The following SHANK2 variants were observed in gnomAD, a reference collection of about 807,000 sequenced individuals.
SHANK2 encodes SH3 and multiple ankyrin repeat domains 2.
SHANK2 carries 43 observed loss-of-function variants against 133.7 expected under a neutral mutation model. The observed-to-expected ratio is 0.32, with a 90% confidence interval of 0.25 to 0.41. The LOEUF (loss-of-function observed/expected upper bound fraction) is 0.41. Among genes scored for constraint, SHANK2 ranks in the 10% least tolerant of loss-of-function variants. SHANK2 has a pLI of 1.00. For missense variants in SHANK2, 1,994 were observed against 2,235.8 expected, an observed-to-expected ratio of 0.89 and a Z score of 2.18; for synonymous variants, 1,017 against 952.8, an observed-to-expected ratio of 1.07 and a Z score of -1.24.
At chr11:70,860,304 A>G (rs569200459) in intron 11 of SHANK2, among the ~76,000 whole-genome samples, 1 of 152,270 alleles carries the variant, frequency 6.6e-6, no homozygotes, top group Non-Finnish European at 1.5e-5. Flanking sequence ...CCAGACTCTC[A>G]TCAGCCTGAA....
chr11:71,066,339 T>A (rs1439720302), intron 9 of SHANK2, among the ~76,000 whole-genome samples: 14 of 55,362 alleles, frequency 2.5e-4, no homozygotes, highest in African/African-American at 1.0e-3. Flanking sequence ...AGATGAGCAG[T>A]GAGTGGGGAA....
chr11:70,516,602 T>A (rs1403890017), intron 17 of SHANK2, among the ~76,000 whole-genome samples: 2 of 152,176 alleles, frequency 1.3e-5, no homozygotes, highest in Non-Finnish European at 2.9e-5. Context: ...AAGTCAAAAT[T>A]GATGTTGGAC....
intron 11 of SHANK2, among the ~76,000 whole-genome samples, chr11:70,884,672 G>T (rs1949709939): frequency 6.6e-6 from 1 of 152,216 alleles, no homozygotes; most frequent in Admixed American, 6.5e-5. Flanking sequence ...GAGTGTTCCT[G>T]CTTCATAGAA....
chr11:70,502,741 A>AAC (rs1198006390), intron 18 of SHANK2, 55 bp downstream of exon 18: 4 of 381,842 alleles, frequency 1.0e-5, no homozygotes, highest in South Asian at 6.3e-5. Context: ...GCCCGCCCCC[A>AAC]CCCCCCCCCC....
intron 20 of SHANK2, among the ~76,000 whole-genome samples, 185 bp downstream of exon 20, chr11:70,501,737 CA>C (rs530936655): frequency 3.3e-5 from 5 of 152,222 alleles, no homozygotes; most frequent in Admixed American, 6.5e-5. Context: ...GCCTGCTGTG[CA>C]GACCAGACTG....
At position 70,649,687 on chromosome 11, in the gene SHANK2, C is replaced by G. The variant is rs542465654; in HGVS notation, c.2061+10141G>C. ...GAGGACCCAGAGGCACCAATGGGTG[C>G]ATCAGAGGACCTGGCGCCAGCAGCT... On this transcript the variant is annotated intron_variant, in intron 17 of 25. Coordinates refer to ENST00000601538, the MANE Select transcript of SHANK2 (RefSeq NM_012309.5). Among the ~76,000 whole-genome samples the G allele has an allele frequency of 8.1e-4, 124 of 152,262 alleles. 1 individual carries two copies. Among genetic ancestry groups the G allele is most frequent in the African/African-American group, 2.9e-3 (119 of 41,544 alleles).
At chr11:70,761,451 C>T (rs1306416428) in intron 14 of SHANK2, among the ~76,000 whole-genome samples, 1 of 152,224 alleles carries the variant, frequency 6.6e-6, no homozygotes, top group Non-Finnish European at 1.5e-5. Context: ...TGAGCTGAGA[C>T]ATCAGCCTTC....
rs1005754139 is a variant in SHANK2 at position 70,807,373 on chromosome 11, G to C, written c.1494-202C>G. 5.3e-5 allele frequency among the ~76,000 whole-genome samples: 8 copies of C among 152,210 alleles called. No individual in the cohort carries two copies. Among genetic ancestry groups the C allele is most frequent in the Admixed American group, 2.6e-4 (4 of 15,282 alleles). Reference sequence around the variant, plus strand: ...TCAGGCAGATCCAACAATCCCACTCGCAGGTCTGCCCCGCACAGACAGAAA... The same window carrying C: ...TCAGGCAGATCCAACAATCCCACTCCCAGGTCTGCCCCGCACAGACAGAAA... On this transcript the variant is annotated intron_variant, in intron 12 of 25. Transcript: ENST00000601538. This position sits in a 1 kb window ranked among gnomAD's most constrained non-coding sequence, Gnocchi z 4.8.
chr11:70,540,323 G>A (rs777412370), intron 17 of SHANK2, among the ~76,000 whole-genome samples: 3 of 151,980 alleles, frequency 2.0e-5, no homozygotes, highest in Non-Finnish European at 2.9e-5. Context: ...CAAGCGGGGC[G>A]CCCACGGGCA....
chr11:70,664,737 C>T (rs1944647809), intron 15 of SHANK2, among the ~76,000 whole-genome samples: 2 of 152,202 alleles, frequency 1.3e-5, no homozygotes, highest in Non-Finnish European at 2.9e-5. Flanking sequence ...GGGGGGCTGC[C>T]CAGACACTTG....
chr11:70,908,313 T>C (rs1555078369), intron 10 of SHANK2, among the ~76,000 whole-genome samples: 1 of 152,154 alleles, frequency 6.6e-6, no homozygotes, highest in East Asian at 1.9e-4. Flanking sequence ...GGCCTCGCTG[T>C]TGGCTGGAAC....
At chr11:70,792,104 T>TAACC (rs56696086) in intron 14 of SHANK2, among the ~76,000 whole-genome samples, 17,397 of 151,482 alleles carry the variant, frequency 0.11, 1,354 homozygotes, top group Non-Finnish European at 0.16. Context: ...GCCAGCCAGC[T>TAACC]AACCAACCAA....
At chr11:70,550,063 G>GGAAGCCAA (rs1554977482) in intron 17 of SHANK2, among the ~76,000 whole-genome samples, 1 of 152,116 alleles carries the variant, frequency 6.6e-6, no homozygotes, top group Non-Finnish European at 1.5e-5. Flanking sequence ...CCAGAAGCCA[G>GGAAGCCAA]GAAGCCAAGA....
chr11:70,521,473 C>A (rs1283890054), intron 17 of SHANK2, among the ~76,000 whole-genome samples: 1 of 152,170 alleles, frequency 6.6e-6, no homozygotes, highest in Non-Finnish European at 1.5e-5. Flanking sequence ...TTTACAATTA[C>A]GTGAAATATT....
chr11:70,814,288 C>T (rs1233986577), intron 12 of SHANK2, among the ~76,000 whole-genome samples: 2 of 151,518 alleles, frequency 1.3e-5, no homozygotes, highest in African/African-American at 4.9e-5. Flanking sequence ...CGTGACACTG[C>T]ACTCCAGCCT....
rs1954694037 is a variant in SHANK2, at chr11:71,229,163, C to A, written c.-112-4367G>T. Reference sequence around the variant, plus strand: ...AAACAAAATGCTTTCCCCATATGATCAGGACCAAGGCAAAGATGCCTGCTC... The same window carrying A: ...AAACAAAATGCTTTCCCCATATGATAAGGACCAAGGCAAAGATGCCTGCTC... On this transcript the variant is annotated intron_variant, in intron 1 of 25. Coordinates refer to ENST00000601538, the MANE Select transcript of SHANK2 (RefSeq NM_012309.5). 6.6e-5 allele frequency among the ~76,000 whole-genome samples: 10 copies of A among 152,214 alleles called. No homozygotes were observed. The South Asian group carries it at 2.1e-3, about 32-fold the overall frequency.
At chr11:71,203,085 C>T (rs1307516757) in intron 2 of SHANK2, among the ~76,000 whole-genome samples, 9 of 152,148 alleles carry the variant, frequency 5.9e-5, no homozygotes, top group Admixed American at 5.9e-4. Context: ...CTGTGGGGTT[C>T]CAGTGATCTC....
intron 2 of SHANK2, among the ~76,000 whole-genome samples, chr11:71,150,426 G>T (rs1425189088): frequency 6.7e-6 from 1 of 149,032 alleles, no homozygotes; most frequent in Non-Finnish European, 1.5e-5. Context: ...GGAAGGGAGG[G>T]AAAGGAAGGA....
In SHANK2 at chr11:70,487,848, A is replaced by G; in HGVS notation, c.2573-128T>C. The G allele has an allele frequency of 6.5e-7, 1 of 1,529,584 alleles. No individual in the cohort carries two copies. The allele number at this position is 1,529,584 out of a possible 1,614,324, so 94.8% of individuals were successfully genotyped here. Reference sequence around the variant, plus strand: ...ATGATGAACCGGATGTTCAGGAAACACAGCACAAGCCACGATGCCGAGTGG... The same window carrying G: ...ATGATGAACCGGATGTTCAGGAAACGCAGCACAAGCCACGATGCCGAGTGG... On this transcript the variant is annotated intron_variant, in intron 24 of 25. Transcript: ENST00000601538. This position sits in a 1 kb window ranked among gnomAD's most constrained non-coding sequence, Gnocchi z 5.8.
Sources: gnomAD v4.1 joint callset for allele counts (sites outside exome capture counted in the v4.1 genomes callset) on GRCh38, gnomAD v4.1.1 for gene constraint, Gnocchi (gnomAD v3.1) non-coding constraint, MANE v1.5 for transcripts, NCBI Gene and HGNC (gene_info 2026-07-23, HGNC 2026-07-21) for gene names.